PNLDC1: variants seen among roughly 807,000 people sequenced by gnomAD.
PNLDC1 encodes the protein PARN like ribonuclease domain containing exonuclease 1.
In PNLDC1, 70 loss-of-function variants were observed where a neutral mutation model predicts 82.0. That is an observed-to-expected ratio of 0.85 (90% CI 0.70 to 1.04). PNLDC1 has a LOEUF of 1.04. PNLDC1 is among the 50% of genes least tolerant of loss of function. The pLI is 0.00. For missense variants in PNLDC1, 631 were observed against 661.1 expected (o/e 0.95, Z 0.50); for synonymous variants, 280 against 249.3 (o/e 1.12, Z -1.16).
At chr6:159,818,799 C>G (rs1781932493) in intron 16 of PNLDC1, 145 bp downstream of exon 16, 11 of 1,193,276 alleles carry the variant, frequency 9.2e-6, no homozygotes, top group Non-Finnish European at 1.3e-5. Flanking sequence ...TCATGTTTCT[C>G]CACTAAAGCC....
chr6:159,805,699 G>A, intron 6 of PNLDC1: 1 of 372,194 alleles, frequency 2.7e-6, no homozygotes, highest in South Asian at 2.9e-5. Context: ...GCAATGCTTG[G>A]TATTGGCTAG....
intron 15 of PNLDC1, among the ~76,000 whole-genome samples, chr6:159,818,105 G>A (rs1040955055): frequency 6.6e-6 from 1 of 152,214 alleles, no homozygotes; most frequent in East Asian, 1.9e-4. Flanking sequence ...TGTGGCCCGT[G>A]GTTTTGCCGG....
chr6:159,813,306 GC>G (rs1322689019), intron 11 of PNLDC1, among the ~76,000 whole-genome samples: 1 of 152,158 alleles, frequency 6.6e-6, no homozygotes, highest in Non-Finnish European at 1.5e-5. Context: ...TTGTCCTCGT[GC>G]CTTGCTTTCC....
chr6:159,816,597 G>A lies in PNLDC1; in HGVS notation c.1114+1G>A. The stretch of plus-strand genomic sequence containing the variant: ...TATGATGCCTTCCTCTGTGGGTCAG[G>A]TAAGGATTGCGGTTCCTTTAAAAGG... On this transcript the variant is annotated splice_donor_variant, in intron 14 of 18. Coordinates refer to ENST00000392167, the MANE Select transcript of PNLDC1 (RefSeq NM_001271862.2). LOFTEE classifies it high-confidence loss of function. 2 of 1,612,346 alleles carry A rather than the reference G, an allele frequency of 1.2e-6. No individual in the cohort carries two copies. The highest frequency in any genetic ancestry group is 1.1e-5 in the South Asian group (1 of 91,028).
intron 11 of PNLDC1, among the ~76,000 whole-genome samples, chr6:159,813,060 G>C (rs548047429): frequency 6.6e-6 from 1 of 152,240 alleles, no homozygotes; most frequent in East Asian, 1.9e-4. Context: ...AACAGAGAAG[G>C]GGGCATCAGA....
At position 159,800,558 on chromosome 6, in the gene PNLDC1, C is replaced by G. The variant is rs1293405533; in HGVS notation, c.76+175C>G. 2.9e-6 allele frequency: 4 copies of G among 1,386,320 alleles called. No individual in the cohort carries two copies. The African/African-American group carries it at 4.3e-5, about 15-fold the overall frequency. 85.9% of individuals were successfully genotyped at this position (1,386,320 alleles called of 1,614,324 possible). On this transcript the variant is annotated intron_variant, in intron 1 of 18. Coordinates refer to ENST00000392167, the MANE Select transcript of PNLDC1 (RefSeq NM_001271862.2). ...GGTGGGACTTTGAGCAGCAAGTACA[C>G]TCCGAGCCCCACGTCCCTTGTTGGC...
chr6:159,800,366 A>G lies in PNLDC1; in HGVS notation c.59A>G (p.Gln20Arg). 16 of 1,548,118 alleles carry G rather than the reference A, an allele frequency of 1.0e-5. No homozygotes were observed. Among genetic ancestry groups the G allele is most frequent in the Non-Finnish European group, 1.3e-5 (15 of 1,146,482 alleles). ...CTCCCTCTGCTGCAGGAGCTCGTCC[A>G]GGAGGCCGACTTCGTGGGTGAAGAG... ...ESLPLLQELV[Q>R]EADFVGLDIE... Residue 20 changes from glutamine to arginine, a missense_variant, in exon 1 of 19, where the codon CAG (glutamine) becomes CGG (arginine). By Grantham distance (43) the Gln-to-Arg change is conservative. Coordinates refer to ENST00000392167, the MANE Select transcript of PNLDC1 (RefSeq NM_001271862.2).
chr6:159,805,961 A>G (rs552375854), intron 6 of PNLDC1, 22 bp from the exon 7 acceptor site: 32 of 1,560,372 alleles, frequency 2.1e-5, no homozygotes, highest in Non-Finnish European at 2.8e-5. Flanking sequence ...TGACATGTTC[A>G]CTTTCATGCG....
intron 5 of PNLDC1, 93 bp downstream of exon 5, chr6:159,804,181 A>G (rs1198595791): frequency 9.8e-6 from 14 of 1,430,522 alleles, no homozygotes; most frequent in South Asian, 7.9e-5. Flanking sequence ...CAGTGGTGCA[A>G]TCTTCGCCTC....
At chr6:159,814,566 C>A (rs1444150932) in intron 12 of PNLDC1, among the ~76,000 whole-genome samples, 2 of 152,156 alleles carry the variant, frequency 1.3e-5, no homozygotes, top group African/African-American at 4.8e-5. Context: ...GTCCCTCAAG[C>A]ACACTCTAGT....
At chr6:159,801,395 A>G (rs887725719) in intron 3 of PNLDC1, among the ~76,000 whole-genome samples, 3 of 152,308 alleles carry the variant, frequency 2.0e-5, no homozygotes. Flanking sequence ...TAAATAAGTC[A>G]GTATTAAGGA....
Position 159,804,611 on chromosome 6 carries a change from C to G in PNLDC1, c.435C>G (p.Ile145Met), listed in dbSNP as rs368398311. 6.2e-7 allele frequency: 1 copy of G among 1,610,640 alleles called. No homozygotes were observed. Among genetic ancestry groups the G allele is most frequent in the African/African-American group, 1.3e-5 (1 of 74,836 alleles). The change falls in exon 6 of 19, where the codon ATC becomes ATG. Residue 145 changes from isoleucine (I) to methionine (M), a missense_variant. Transcript: ENST00000392167. Reference protein sequence around the residue: ...EEQEKKIRHDILTGNWRVRSS... With the variant: ...EEQEKKIRHDMLTGNWRVRSS... ...AGGAGAAGAAAATTAGACACGATAT[C>G]CTGACTGGGAACTGGAGAGTTCGCA...
At chr6:159,805,348 C>CT (rs1454481499) in intron 6 of PNLDC1, among the ~76,000 whole-genome samples, 33 of 152,140 alleles carry the variant, frequency 2.2e-4, no homozygotes, top group Admixed American at 2.2e-3. Flanking sequence ...AGCTCTTTGC[C>CT]TTTATCAGGA....
rs1298292166 is a variant in PNLDC1, at chr6:159,817,100, C to A, written c.1115-9C>A. 2 of 1,610,622 alleles carry A rather than the reference C, an allele frequency of 1.2e-6. No homozygotes were observed. Among genetic ancestry groups the A allele is most frequent in the Non-Finnish European group, 1.7e-6 (2 of 1,177,320 alleles). On this transcript the variant is annotated splice_polypyrimidine_tract_variant and intron_variant, in intron 14 of 18. Transcript: ENST00000392167. Reference sequence around the variant, plus strand: ...GCTCTATTGCATTTCTGTCTTTTTTCCTTCCTAGTTCTTTTGAAAGTGGCA... The same window carrying A: ...GCTCTATTGCATTTCTGTCTTTTTTACTTCCTAGTTCTTTTGAAAGTGGCA...
rs2115033112 is a variant in PNLDC1, at chr6:159,806,082, TG to T, written c.562+1del. On this transcript the variant is annotated frameshift_variant and splice_region_variant, in exon 7 of 19. Transcript: ENST00000392167. LOFTEE classifies it high-confidence loss of function. The stretch of plus-strand genomic sequence containing the variant: ...ACTGGATGACTCTTCCTGGGATCAC[TG>T]GTAGGCAGGGCCTGTTCCTCCCAAC... ...GDWMTLPGIT[G>X]FQAFEVQLVL... The T allele has an allele frequency of 6.2e-7, 1 of 1,612,870 alleles. No homozygotes were observed. Among genetic ancestry groups the T allele is most frequent in the Non-Finnish European group, 8.5e-7 (1 of 1,178,906 alleles).
intron 1 of PNLDC1, 120 bp downstream of exon 1, chr6:159,800,503 CAG>C: frequency 3.8e-6 from 5 of 1,327,694 alleles, no homozygotes; most frequent in Non-Finnish European, 5.1e-6. Context: ...TCGGGAAGGA[CAG>C]GGGGGCTTCC....
intron 9 of PNLDC1, 87 bp from the exon 10 acceptor site, chr6:159,809,939 A>G (rs1057282010): frequency 1.2e-5 from 14 of 1,140,556 alleles, no homozygotes; most frequent in East Asian, 2.3e-5. Context: ...GGGTTCTAAC[A>G]CTATATCTTT....
intron 18 of PNLDC1, 95 bp from the exon 19 acceptor site, chr6:159,820,359 G>A (rs1456083472): frequency 1.1e-5 from 13 of 1,167,836 alleles, no homozygotes; most frequent in African/African-American, 1.5e-5. Context: ...GAACATCTGA[G>A]TGCACGGGGC....
At chr6:159,813,481 AGAG>A in intron 11 of PNLDC1, 117 bp from the exon 12 acceptor site, 1 of 821,090 alleles carries the variant, frequency 1.2e-6, no homozygotes, top group South Asian at 1.5e-5. Flanking sequence ...TTGAAGAGAA[AGAG>A]GAGGTTGTAG....
Sources: allele counts gnomAD v4.1 joint callset (sites outside exome capture counted in the v4.1 genomes callset), GRCh38; gene constraint gnomAD v4.1.1; transcripts MANE v1.5; gene names NCBI Gene and HGNC (gene_info 2026-07-23, HGNC 2026-07-21).